Variants in FUT9 observed in about 807,000 individuals in gnomAD.
FUT9 encodes the protein fucosyltransferase 9.
In FUT9, 15 loss-of-function variants were observed where a neutral mutation model predicts 29.7. The ratio of observed to expected loss-of-function variants is 0.51; its 90% CI spans 0.34 to 0.78. The LOEUF is 0.78. FUT9 is among the 30% of genes least tolerant of loss of function. The pLI, the probability that FUT9 is intolerant of heterozygous loss-of-function variation, is 0.01. For missense variants in FUT9, 319 were observed against 425.4 expected (o/e 0.75, Z 2.20); for synonymous variants, 169 against 153.7 (o/e 1.10, Z -0.74).
At chr6:96,170,546 TCA>T (rs5878420) in intron 2 of FUT9, among the ~76,000 whole-genome samples, 87,108 of 148,526 alleles carry the variant, frequency 0.59, 25,614 homozygotes, top group South Asian at 0.75. Flanking sequence ...AAAATCCCTT[TCA>T]CACACACACA....
chr6:96,018,770 T>C (rs1770021869), intron 1 of FUT9, among the ~76,000 whole-genome samples: 1 of 151,978 alleles, frequency 6.6e-6, no homozygotes, highest in South Asian at 2.1e-4. Flanking sequence ...TGTTTTGCCT[T>C]GTGTGTGATG....
chr6:96,072,873 C>T (rs1391868225), intron 1 of FUT9, among the ~76,000 whole-genome samples: 1 of 152,076 alleles, frequency 6.6e-6, no homozygotes, highest in African/African-American at 2.4e-5. Context: ...GTATATTGAG[C>T]AGATAGTAAT....
chr6:96,147,354 G>C (rs1329118966), intron 2 of FUT9, among the ~76,000 whole-genome samples: 3 of 151,776 alleles, frequency 2.0e-5, no homozygotes, highest in African/African-American at 7.3e-5. Context: ...GGATGGAGTA[G>C]GGTGGGGTTT....
intron 2 of FUT9, among the ~76,000 whole-genome samples, chr6:96,168,806 A>G (rs1355672032): frequency 6.6e-6 from 1 of 152,202 alleles, no homozygotes; most frequent in Admixed American, 6.5e-5. Context: ...TGATGGGAAT[A>G]ATCCCACAGA....
intron 2 of FUT9, among the ~76,000 whole-genome samples, chr6:96,181,572 C>T (rs577524727): frequency 1.3e-4 from 8 of 59,554 alleles, no homozygotes; most frequent in Non-Finnish European, 3.1e-4. Flanking sequence ...TATTTGTAGT[C>T]TTTTATCCCT....
At position 96,204,336 on chromosome 6, in the gene FUT9, T is replaced by A; in HGVS notation, c.*101T>A. On this transcript the variant is annotated 3_prime_UTR_variant, in exon 3 of 3. Coordinates refer to ENST00000302103, the MANE Select transcript of FUT9 (RefSeq NM_006581.4). ...AACATACTACTTTTGTGTCACAATT[T>A]ATTTTTATCACCCTCTCTAGGGTAA... is the stretch of plus-strand genomic sequence containing the variant. 2.5e-6 allele frequency: 2 copies of A among 806,936 alleles called. No individual in the cohort carries two copies. The highest frequency in any genetic ancestry group is 3.7e-6 in the Non-Finnish European group (2 of 547,298). 50.0% of individuals were successfully genotyped at this position (806,936 alleles called of 1,614,324 possible). A position where few individuals can be genotyped will look rare whatever the true frequency, so the allele number is the denominator to read the frequency against.
chr6:96,120,392 C>T (rs866180624), intron 2 of FUT9, among the ~76,000 whole-genome samples: 2 of 149,510 alleles, frequency 1.3e-5, no homozygotes, highest in Admixed American at 1.3e-4. Context: ...TGCCTCAGCA[C>T]CCCCAGTAGC....
At chr6:96,201,341 C>A (rs1773723285) in intron 2 of FUT9, among the ~76,000 whole-genome samples, 1 of 151,844 alleles carries the variant, frequency 6.6e-6, no homozygotes, top group South Asian at 2.1e-4. Flanking sequence ...GCTAAATCAA[C>A]AATTATTTGC....
chr6:96,098,572 G>C (rs1028017184), intron 1 of FUT9, among the ~76,000 whole-genome samples: 11 of 152,022 alleles, frequency 7.2e-5, no homozygotes, highest in African/African-American at 2.7e-4. Flanking sequence ...GAAGCTCTTT[G>C]GAAATTACAT....
chr6:96,197,705 A>G (rs1311801349), intron 2 of FUT9, among the ~76,000 whole-genome samples: 1 of 152,192 alleles, frequency 6.6e-6, no homozygotes, highest in Non-Finnish European at 1.5e-5. Flanking sequence ...TAATGGCATA[A>G]GGGAAAATCT....
intron 1 of FUT9, among the ~76,000 whole-genome samples, chr6:96,098,624 A>T (rs764968869): frequency 6.6e-6 from 1 of 152,138 alleles, no homozygotes; most frequent in Non-Finnish European, 1.5e-5. Context: ...AATGTATTCA[A>T]TATGTCTTAT....
chr6:96,031,698 T>C (rs905265218), intron 1 of FUT9, among the ~76,000 whole-genome samples: 1 of 151,578 alleles, frequency 6.6e-6, no homozygotes, highest in Non-Finnish European at 1.5e-5. Context: ...CTTAGTTATA[T>C]TGATTAGTAC....
At chr6:96,089,827 G>A (rs1246828527) in intron 1 of FUT9, among the ~76,000 whole-genome samples, 1 of 152,120 alleles carries the variant, frequency 6.6e-6, no homozygotes, top group Non-Finnish European at 1.5e-5. Context: ...ATACCCATAT[G>A]GCATTGCATT....
At chr6:96,100,336 T>G (rs1389010367) in intron 1 of FUT9, among the ~76,000 whole-genome samples, 1 of 151,886 alleles carries the variant, frequency 6.6e-6, no homozygotes, top group Non-Finnish European at 1.5e-5. Flanking sequence ...AAACAGTCAA[T>G]GTCCTCAAAA....
chr6:96,157,759 A>G (rs1027473065), intron 2 of FUT9, among the ~76,000 whole-genome samples: 2 of 152,140 alleles, frequency 1.3e-5, no homozygotes, highest in African/African-American at 4.8e-5. Context: ...CTGCAATTAT[A>G]ATTTGAATCA....
chr6:96,027,913 AT>A (rs1237274871), intron 1 of FUT9, among the ~76,000 whole-genome samples: 1 of 151,474 alleles, frequency 6.6e-6, no homozygotes, highest in African/African-American at 2.4e-5. Context: ...GGTTTTTGTA[AT>A]TTTTTTGTCC....
At chr6:96,083,531 T>C (rs1771271224) in intron 1 of FUT9, among the ~76,000 whole-genome samples, 1 of 152,086 alleles carries the variant, frequency 6.6e-6, no homozygotes. Context: ...TCCAATGTTC[T>C]AGCCTCTCTA....
At chr6:96,181,584 T>TCCGTTCCCTC (rs35538705) in intron 2 of FUT9, among the ~76,000 whole-genome samples, 1 of 151,754 alleles carries the variant, frequency 6.6e-6, no homozygotes, top group Non-Finnish European at 1.5e-5. Flanking sequence ...TTTATCCCTC[T>TCCGTTCCCTC]CCTTTCTCCC....
At chr6:96,192,123 T>C (rs1773523266) in intron 2 of FUT9, among the ~76,000 whole-genome samples, 1 of 152,116 alleles carries the variant, frequency 6.6e-6, no homozygotes, top group Non-Finnish European at 1.5e-5. Context: ...ACTGGAAGCA[T>C]TCCCTTTGAA....
Sources: gnomAD v4.1 joint callset for allele counts (sites outside exome capture counted in the v4.1 genomes callset) on GRCh38, gnomAD v4.1.1 for gene constraint, MANE v1.5 for transcripts, NCBI Gene and HGNC (gene_info 2026-07-23, HGNC 2026-07-21) for gene names.